The following DIP2C variants were observed in gnomAD, a reference collection of about 807,000 sequenced individuals.
DIP2C encodes the protein disco-interacting protein 2 homolog C.
Under a neutral mutation model 192.4 loss-of-function variants are expected in DIP2C, and 33 were observed. That is an observed-to-expected ratio of 0.17 (90% CI 0.13 to 0.23). DIP2C has a LOEUF of 0.23. Ranked by LOEUF, DIP2C falls within the 10% of genes least tolerant of loss-of-function variation. DIP2C has a pLI of 1.00. For synonymous variants in DIP2C, 979 were observed against 864.1 expected, an observed-to-expected ratio of 1.13 and a Z score of -2.33; for missense variants, 1,537 against 2,110.1, an observed-to-expected ratio of 0.73 and a Z score of 5.32.
In DIP2C at chr10:666,567, G is replaced by A. The variant is rs1419548364; in HGVS notation, c.85+22927C>T. 6.6e-6 allele frequency: 1 copy of A among 151,808 alleles called. No homozygotes were observed. The highest frequency in any genetic ancestry group is 1.5e-5 in the Non-Finnish European group (1 of 67,944). 9.4% of individuals were successfully genotyped at this position (151,808 alleles called of 1,614,324 possible). Reference sequence around the variant, plus strand: ...TCTGCACACAGGTAACATAGAACTGGGGGTAAGCAAAGCCACGAGGTCGGC... The same window carrying A: ...TCTGCACACAGGTAACATAGAACTGAGGGTAAGCAAAGCCACGAGGTCGGC... On this transcript the variant is annotated intron_variant, in intron 1 of 36. Coordinates refer to ENST00000280886, the MANE Select transcript of DIP2C (RefSeq NM_014974.3). This position sits in a 1 kb window ranked among gnomAD's most constrained non-coding sequence, Gnocchi z 4.1.
chr10:362,695 G>C lies in DIP2C; in HGVS notation c.2593-4C>G. On this transcript the variant is annotated splice_polypyrimidine_tract_variant and splice_region_variant and intron_variant, in intron 21 of 36. Coordinates refer to ENST00000280886, the MANE Select transcript of DIP2C (RefSeq NM_014974.3). ...CTTGATGTATACTGTCAATCGCCTA[G>C]AAAGTTAATAAAGAGGAAATCATGT... 6.2e-7 allele frequency: 1 copy of C among 1,600,004 alleles called. No homozygotes were observed. Among genetic ancestry groups the C allele is most frequent in the Non-Finnish European group, 8.5e-7 (1 of 1,172,468 alleles).
chr10:488,884 C>T (rs1384709465), intron 1 of DIP2C, among the ~76,000 whole-genome samples: 1 of 152,200 alleles, frequency 6.6e-6, no homozygotes, highest in Admixed American at 6.5e-5. Flanking sequence ...GGTGCTCCTG[C>T]GTGTACCACA....
intron 1 of DIP2C, among the ~76,000 whole-genome samples, chr10:608,820 AGTC>A (rs1314426546): frequency 6.7e-6 from 1 of 149,840 alleles, no homozygotes; most frequent in Admixed American, 6.6e-5. Context: ...CCCATTGCTT[AGTC>A]TTCTTAGAGG....
rs1313113303 is a variant in DIP2C, at chr10:509,141, T to C, written c.86-22611A>G. ...CAAGGACACTCACGATGCTTGACCA[T>C]ACAACTAGGGGTCGATTGGTTTTTT... is the stretch of plus-strand genomic sequence containing the variant. On this transcript the variant is annotated intron_variant, in intron 1 of 36. Transcript: ENST00000280886. 2.0e-5 allele frequency among the ~76,000 whole-genome samples: 3 copies of C among 152,132 alleles called. No homozygotes were observed. In the South Asian group the frequency reaches 6.2e-4, roughly 32 times the overall value.
chr10:570,075 G>GGCTGCC (rs1239813791), intron 1 of DIP2C, among the ~76,000 whole-genome samples: 1 of 152,124 alleles, frequency 6.6e-6, no homozygotes, highest in Non-Finnish European at 1.5e-5. Flanking sequence ...AGCCACTCAA[G>GGCTGCC]GCTGCCACTG....
chr10:532,656 A>T (rs1847459771), intron 1 of DIP2C, among the ~76,000 whole-genome samples: 1 of 96,974 alleles, frequency 1.0e-5, no homozygotes, highest in African/African-American at 5.4e-5. Flanking sequence ...GGTGTGAGAG[A>T]GAGTATGGGT....
intron 23 of DIP2C, 129 bp from the exon 24 acceptor site, chr10:356,635 T>TC: frequency 1.5e-6 from 1 of 681,218 alleles, no homozygotes; most frequent in Non-Finnish European, 2.5e-6. Context: ...CGCATGCTTC[T>TC]CTGCAGGGAG....
Position 384,140 on chromosome 10 carries a change from A to G in DIP2C, c.1763T>C (p.Val588Ala), listed in dbSNP as rs1362667795. The G allele has an allele frequency of 6.2e-7, 1 of 1,609,352 alleles. No individual in the cohort carries two copies. The stretch of plus-strand genomic sequence containing the variant: ...CATATCCCTCGATTTCACACACGCC[A>G]CTTTTGCTAAAAAGAAAAATAGAAA... ...IQKVCQYKAK[V>A]ACVKSRDMHW... The change falls in exon 16 of 37, where the codon GTG becomes GCG. Residue 588 changes from valine to alanine, a missense_variant. This residue lies in a region of DIP2C where 677 missense variants were observed against 989.9 expected (regional missense o/e 0.68). Coordinates refer to ENST00000280886, the MANE Select transcript of DIP2C (RefSeq NM_014974.3).
chr10:686,296 C>T lies in DIP2C; in HGVS notation c.85+3198G>A, dbSNP rs76631140. On this transcript the variant is annotated intron_variant, in intron 1 of 36. Transcript: ENST00000280886. ...GGCCTCCTCAGCCACAGGGCCTCCG[C>T]ACCCTCACGGCCTCTCCACCTGCGG... 6.6e-3 allele frequency among the ~76,000 whole-genome samples: 999 copies of T among 151,984 alleles called. 15 individuals are homozygous for T. The highest frequency in any genetic ancestry group is 0.022 in the African/African-American group (922 of 41,418).
chr10:279,031 G>GA (rs1214483752), intron 36 of DIP2C, among the ~76,000 whole-genome samples: 15 of 152,070 alleles, frequency 9.9e-5, no homozygotes, highest in Non-Finnish European at 1.2e-4. Context: ...AGTCAGTTAG[G>GA]AAAAAAACGC....
rs11253257 is a variant in DIP2C at position 579,360 on chromosome 10, T to C, written c.86-92830A>G. ...ATAGTGTACACACACCCAAATGTAG[T>C]GTACAAACAAGTTCACTATGTGTGT... On this transcript the variant is annotated intron_variant, in intron 1 of 36. Transcript: ENST00000280886. Among the ~76,000 whole-genome samples, 1,018 of 151,972 alleles carry C rather than the reference T, an allele frequency of 6.7e-3. 14 individuals are homozygous for C. The highest frequency in any genetic ancestry group is 0.023 in the African/African-American group (963 of 41,434).
chr10:591,099 A>AG (rs1851377314), intron 1 of DIP2C, among the ~76,000 whole-genome samples: 1 of 85,974 alleles, frequency 1.2e-5, no homozygotes. Context: ...CACAGATAAC[A>AG]GTCAGGTTTC....
In DIP2C at chr10:335,504, C is replaced by T. The variant is rs185367918; in HGVS notation, c.3584+5695G>A. Among the ~76,000 whole-genome samples, 569 of 152,364 alleles carry T rather than the reference C, an allele frequency of 3.7e-3. 4 individuals carry two copies. The highest frequency in any genetic ancestry group is 6.8e-3 in the Middle Eastern group (2 of 294). On this transcript the variant is annotated intron_variant, in intron 29 of 36. Coordinates refer to ENST00000280886, the MANE Select transcript of DIP2C (RefSeq NM_014974.3). ...ACACTGCAAGAAAGTGGTCGGCTCTCAGCTTCCCGCTGCCCAGAGCGAGTT... is the reference window on the plus strand; with the variant it reads ...ACACTGCAAGAAAGTGGTCGGCTCTTAGCTTCCCGCTGCCCAGAGCGAGTT...
chr10:545,141 T>TG (rs1848211713), intron 1 of DIP2C, among the ~76,000 whole-genome samples: 1 of 150,094 alleles, frequency 6.7e-6, no homozygotes, highest in South Asian at 2.1e-4. Context: ...GAGTAGGCCC[T>TG]GATCCAACAT....
chr10:535,863 G>A (rs1847665892), intron 1 of DIP2C, among the ~76,000 whole-genome samples: 1 of 152,186 alleles, frequency 6.6e-6, no homozygotes, highest in East Asian at 1.9e-4. Context: ...TGAGAATTAG[G>A]TCAAAATAAT....
intron 4 of DIP2C, chr10:430,433 T>C (rs1966846236): frequency 6.6e-6 from 1 of 152,238 alleles, no homozygotes; most frequent in Non-Finnish European, 1.5e-5. Context: ...CCGGAGCTCC[T>C]GGACTCAAGT....
chr10:364,667 T>C lies in DIP2C; in HGVS notation c.2269-85A>G. On this transcript the variant is annotated intron_variant, in intron 19 of 36. Coordinates refer to ENST00000280886, the MANE Select transcript of DIP2C (RefSeq NM_014974.3). ...CCGCTACTCCTGGGAGCACGGCACC[T>C]GCTTTGCTTAAGCTCTGCCTTTCAC... The C allele has an allele frequency of 1.0e-5, 15 of 1,442,660 alleles. No homozygotes were observed. The Middle Eastern group carries it at 5.4e-4, about 52-fold the overall frequency. The allele number at this position is 1,442,660 out of a possible 1,614,324, so 89.4% of individuals were successfully genotyped here.
At chr10:377,276 G>T (rs745459235) in intron 17 of DIP2C, among the ~76,000 whole-genome samples, 2 of 152,188 alleles carry the variant, frequency 1.3e-5, no homozygotes, top group Non-Finnish European at 2.9e-5. Flanking sequence ...ATTTCCAGGG[G>T]AGGTTATGGG....
chr10:528,054 G>A (rs1303309782), intron 1 of DIP2C, among the ~76,000 whole-genome samples: 1 of 152,160 alleles, frequency 6.6e-6, no homozygotes, highest in Non-Finnish European at 1.5e-5. Flanking sequence ...TGGGAATGTA[G>A]GGCAGGTGTC....
Sources: gnomAD v4.1 joint callset for allele counts (sites outside exome capture counted in the v4.1 genomes callset) on GRCh38, gnomAD v4.1.1 for gene constraint, gnomAD v4.1.1 regional missense constraint, Gnocchi (gnomAD v3.1) non-coding constraint, MANE v1.5 for transcripts, NCBI Gene and HGNC (gene_info 2026-07-23, HGNC 2026-07-21) for gene names.